GBF1: variants seen among roughly 807,000 people sequenced by gnomAD.
The protein encoded by GBF1 is Golgi-specific brefeldin A-resistance guanine nucleotide exchange factor 1.
A neutral mutation model predicts 210.5 loss-of-function variants in GBF1; 114 were observed. The observed-to-expected ratio is 0.54, with a 90% CI of 0.47 to 0.63. GBF1 has a LOEUF of 0.63. Among genes scored for constraint, GBF1 ranks in the 30% least tolerant of loss-of-function variants. GBF1 has a pLI of 0.00. For missense variants in GBF1, 1,851 were observed against 2,357.7 expected, an observed-to-expected ratio of 0.79 and a Z score of 4.45; for synonymous variants, 850 against 889.2, an observed-to-expected ratio of 0.96 and a Z score of 0.78.
the GBF1 span, among the ~76,000 whole-genome samples, chr10:102,234,471 G>C: frequency 3.3e-5 from 5 of 152,150 alleles, no homozygotes; most frequent in East Asian, 3.9e-4. Context: ...TCCCCTTCCA[G>C]GTCGGGTCAG....
At chr10:102,255,886 T>C (rs1429323044) in intron 1 of GBF1, among the ~76,000 whole-genome samples, 2 of 152,244 alleles carry the variant, frequency 1.3e-5, no homozygotes, top group Non-Finnish European at 2.9e-5. Flanking sequence ...TAAATTGTCA[T>C]TAATATAAAT....
At chr10:102,230,707 T>C in the GBF1 span, 1 of 1,555,898 alleles carries the variant, frequency 6.4e-7, no homozygotes, top group Non-Finnish European at 8.7e-7. Flanking sequence ...GGCCGAGGCA[T>C]AAGGGCAGGA....
the GBF1 span, chr10:102,232,071 C>G: frequency 6.3e-7 from 1 of 1,597,206 alleles, no homozygotes; most frequent in Admixed American, 1.7e-5. Flanking sequence ...CTGAGCAGGC[C>G]GAACTCCATG....
intron 3 of GBF1, among the ~76,000 whole-genome samples, chr10:102,290,152 C>T (rs2076314542): frequency 6.6e-6 from 1 of 152,162 alleles, no homozygotes; most frequent in South Asian, 2.1e-4. Flanking sequence ...TAACCCTTAT[C>T]ATTATGTAAA....
chr10:102,307,961 C>T (rs1033224168), intron 3 of GBF1, among the ~76,000 whole-genome samples: 2 of 152,018 alleles, frequency 1.3e-5, no homozygotes, highest in Admixed American at 6.6e-5. Context: ...AATACTACTA[C>T]ACATAGAGCA....
At chr10:102,286,948 G>A (rs2076001695) in intron 3 of GBF1, among the ~76,000 whole-genome samples, 1 of 152,170 alleles carries the variant, frequency 6.6e-6, no homozygotes, top group South Asian at 2.1e-4. Context: ...TAATTACTGG[G>A]AGGGGACTGT....
At chr10:102,315,300 C>T (rs1283387734) in intron 3 of GBF1, among the ~76,000 whole-genome samples, 3 of 152,116 alleles carry the variant, frequency 2.0e-5, no homozygotes, top group Non-Finnish European at 2.9e-5. Context: ...AAGTGGTGGG[C>T]GAGCAAGCAT....
intron 1 of GBF1, among the ~76,000 whole-genome samples, chr10:102,246,164 T>C (rs999899393): frequency 6.6e-6 from 1 of 152,236 alleles, no homozygotes; most frequent in African/African-American, 2.4e-5. Context: ...TTTCAGACTT[T>C]AGATGTGAAA....
intron 3 of GBF1, among the ~76,000 whole-genome samples, chr10:102,263,643 A>G (rs771938931): frequency 6.6e-6 from 1 of 152,188 alleles, no homozygotes; most frequent in Non-Finnish European, 1.5e-5. Context: ...TGTGAAGGAA[A>G]TAAGTCCTTT....
At chr10:102,275,225 G>A (rs1236367233) in intron 3 of GBF1, among the ~76,000 whole-genome samples, 1 of 151,960 alleles carries the variant, frequency 6.6e-6, no homozygotes, top group African/African-American at 2.4e-5. Context: ...TTCCAGCCAG[G>A]GTCTAATAGT....
upstream of GBF1, among the ~76,000 whole-genome samples, chr10:102,243,794 C>T (rs2070611478): frequency 6.6e-6 from 1 of 152,128 alleles, no homozygotes; most frequent in African/African-American, 2.4e-5. Flanking sequence ...TAGGAAGTTA[C>T]TGAGGGGTTC....
chr10:102,362,510 A>G lies in GBF1; in HGVS notation c.1722A>G (p.Thr574=), dbSNP rs752912857. The part of the protein sequence containing the change: ...AFPVSGQLYT[T]HLLSLDALLT... ...CTGTGTCTGGTCAACTCTATACAAC[A>G]CACCTACTATCTCTTGATGCCCTAT... The change falls in exon 15 of 40, where the codon ACA becomes ACG. Residue 574 remains threonine (T), a synonymous_variant. Coordinates refer to ENST00000369983, the MANE Select transcript of GBF1 (RefSeq NM_001377137.1). 2 of 1,613,840 alleles carry G rather than the reference A, an allele frequency of 1.2e-6. No homozygotes were observed. The highest frequency in any genetic ancestry group is 1.3e-5 in the African/African-American group (1 of 74,924).
Position 102,376,720 on chromosome 10 carries a change from A to G in GBF1, c.4208A>G (p.Asp1403Gly). 6.2e-7 allele frequency: 1 copy of G among 1,612,382 alleles called. No homozygotes were observed. The highest frequency in any genetic ancestry group is 8.5e-7 in the Non-Finnish European group (1 of 1,179,888). The part of the protein sequence containing the change: ...CVESLSFIVR[D>G]AAHITPDNFE... ...GAATCGCTGTCCTTCATTGTGCGTG[A>G]TGCTGCCCACATCACACCTGACAAC... is the stretch of plus-strand genomic sequence containing the variant. Residue 1403 changes from aspartate to glycine, a missense_variant, in exon 32 of 40, where the codon GAT (aspartate) becomes GGT (glycine). Transcript: ENST00000369983.
At chr10:102,323,103 C>T (rs745965860) in intron 3 of GBF1, among the ~76,000 whole-genome samples, 9 of 151,942 alleles carry the variant, frequency 5.9e-5, no homozygotes, top group African/African-American at 1.5e-4. Flanking sequence ...CAGTCAGCTG[C>T]GGCTGTGGTT....
chr10:102,382,537 G>T lies in GBF1; in HGVS notation c.*201G>T. The T allele has an allele frequency of 9.4e-6, 5 of 533,540 alleles. No homozygotes were observed. The highest frequency in any genetic ancestry group is 1.3e-5 in the Non-Finnish European group (4 of 304,598). The allele number at this position is 533,540 out of a possible 1,614,324, so 33.1% of individuals were successfully genotyped here. A position where few individuals can be genotyped will look rare whatever the true frequency, so the allele number is the denominator to read the frequency against. On this transcript the variant is annotated 3_prime_UTR_variant, in exon 40 of 40. Transcript: ENST00000369983. ...CTGTGGGACCTTTTTCCTCCTCTGC[G>T]CTCCATTCCTGGGGGTTCAGCCTGA...
chr10:102,288,605 A>G (rs1053747996), intron 3 of GBF1, among the ~76,000 whole-genome samples: 2 of 151,192 alleles, frequency 1.3e-5, no homozygotes, highest in Non-Finnish European at 2.9e-5. Flanking sequence ...CAGCTACTCG[A>G]GAGGCTGAGG....
At chr10:102,242,378 T>A (rs886381738), upstream of GBF1, among the ~76,000 whole-genome samples, 5 of 152,234 alleles carry the variant, frequency 3.3e-5, no homozygotes, top group African/African-American at 1.2e-4. Context: ...CCTTTCAGTC[T>A]GTACCCTTGT....
At chr10:102,297,952 TGA>T (rs1411804114) in intron 3 of GBF1, among the ~76,000 whole-genome samples, 1 of 152,216 alleles carries the variant, frequency 6.6e-6, no homozygotes, top group African/African-American at 2.4e-5. Context: ...TTGGTTTTTT[TGA>T]GACAGAGTCT....
intron 3 of GBF1, among the ~76,000 whole-genome samples, chr10:102,266,472 TC>T (rs1039736803): frequency 6.6e-6 from 1 of 152,148 alleles, no homozygotes; most frequent in African/African-American, 2.4e-5. Context: ...CAGTCAGACT[TC>T]CTGCCCTCAT....
Sources: gnomAD v4.1 joint callset for allele counts (sites outside exome capture counted in the v4.1 genomes callset) on GRCh38, gnomAD v4.1.1 for gene constraint, MANE v1.5 for transcripts, NCBI Gene and HGNC (gene_info 2026-07-23, HGNC 2026-07-21) for gene names.